Variants in NTRK3 observed in about 807,000 individuals in gnomAD.
NTRK3 encodes neurotrophic receptor tyrosine kinase 3.
A neutral mutation model predicts 91.7 loss-of-function variants in NTRK3; 24 were observed. The observed-to-expected ratio is 0.26, with a 90% CI of 0.19 to 0.37. NTRK3 has a LOEUF of 0.37. Among genes scored for constraint, NTRK3 ranks in the 10% least tolerant of loss-of-function variants. The pLI, the probability that NTRK3 is intolerant of heterozygous loss-of-function variation, is 1.00. For missense variants in NTRK3, 880 were observed against 1,068.9 expected, an observed-to-expected ratio of 0.82 and a Z score of 2.46; for synonymous variants, 483 against 404.0, an observed-to-expected ratio of 1.20 and a Z score of -2.34.
intron 13 of NTRK3, among the ~76,000 whole-genome samples, chr15:88,125,899 A>G (rs1356259342): frequency 6.6e-6 from 1 of 152,206 alleles, no homozygotes; most frequent in Non-Finnish European, 1.5e-5. Context: ...AAACAAGAGG[A>G]AAACCGTGTC....
chr15:87,931,591 T>G (rs2068801841), intron 16 of NTRK3, among the ~76,000 whole-genome samples: 1 of 152,224 alleles, frequency 6.6e-6, no homozygotes. Flanking sequence ...ATCCAAGATA[T>G]GAACCCAAAT....
rs1034726019 is a variant in NTRK3, at chr15:88,095,772, T to C, written c.1396+30499A>G. Reference sequence around the variant, plus strand: ...TAAAGGTGAAGCTTGGATACTCCAATTGAAATGATTATACAGCCACAAGAA... The same window carrying C: ...TAAAGGTGAAGCTTGGATACTCCAACTGAAATGATTATACAGCCACAAGAA... On this transcript the variant is annotated intron_variant, in intron 13 of 18. Transcript: ENST00000394480. 3.9e-5 allele frequency among the ~76,000 whole-genome samples: 6 copies of C among 152,128 alleles called. No individual in the cohort carries two copies. The East Asian group carries it at 5.8e-4, about 15-fold the overall frequency.
chr15:88,090,512 A>G (rs2048922155), intron 13 of NTRK3, among the ~76,000 whole-genome samples: 1 of 152,090 alleles, frequency 6.6e-6, no homozygotes, highest in African/African-American at 2.4e-5. Context: ...GAATCTCCCT[A>G]TGGGATAATC....
chr15:88,201,803 G>A (rs2048326689), intron 3 of NTRK3, among the ~76,000 whole-genome samples: 1 of 152,146 alleles, frequency 6.6e-6, no homozygotes, highest in African/African-American at 2.4e-5. Flanking sequence ...CTGCCTGTTT[G>A]CCAAGGAGCC....
chr15:88,220,264 G>A (rs1323467067), intron 3 of NTRK3, among the ~76,000 whole-genome samples: 1 of 152,172 alleles, frequency 6.6e-6, no homozygotes, highest in Non-Finnish European at 1.5e-5. Context: ...TGGGGTTGTG[G>A]AGTCCCATGG....
At chr15:87,889,606 T>C (rs745638965) in intron 17 of NTRK3, among the ~76,000 whole-genome samples, 3 of 152,112 alleles carry the variant, frequency 2.0e-5, no homozygotes, top group Non-Finnish European at 4.4e-5. Context: ...GCTTTCATAA[T>C]GCATGGGCTG....
intron 5 of NTRK3, among the ~76,000 whole-genome samples, chr15:88,163,821 C>T (rs2044685923): frequency 6.6e-6 from 1 of 152,170 alleles, no homozygotes; most frequent in Non-Finnish European, 1.5e-5. Context: ...GGAATTTCAT[C>T]AGGTCAGTTT....
chr15:88,001,592 A>G (rs1842870593), intron 14 of NTRK3, among the ~76,000 whole-genome samples: 1 of 152,170 alleles, frequency 6.6e-6, no homozygotes, highest in Admixed American at 6.5e-5. Context: ...TGTTTAAAAG[A>G]CTATTATATC....
intron 5 of NTRK3, among the ~76,000 whole-genome samples, chr15:88,174,710 C>A (rs2045835411): frequency 6.6e-6 from 1 of 152,232 alleles, no homozygotes; most frequent in Admixed American, 6.5e-5. Flanking sequence ...AGCAGGCTGT[C>A]TGCCAACCCA....
At chr15:88,022,390 C>T (rs2077664929) in intron 14 of NTRK3, among the ~76,000 whole-genome samples, 1 of 152,140 alleles carries the variant, frequency 6.6e-6, no homozygotes. Flanking sequence ...CTATCTGACC[C>T]CTATGTATAT....
chr15:88,135,925 T>A (rs372972530), exon 9 of NTRK3: 1 of 1,614,130 alleles, frequency 6.2e-7, no homozygotes, highest in African/African-American at 1.3e-5. Context: ...AACACTGGCA[T>A]TGCTCATGCC....
intron 3 of NTRK3, among the ~76,000 whole-genome samples, chr15:88,222,635 G>C (rs2050333454): frequency 6.6e-6 from 1 of 152,136 alleles, no homozygotes; most frequent in African/African-American, 2.4e-5. Context: ...TCAAAGACTT[G>C]CCCAAGAAGT....
At chr15:87,864,864 C>T in exon 19 of NTRK3, 2 of 227,876 alleles carry the variant, frequency 8.8e-6, no homozygotes, top group Non-Finnish European at 8.7e-6. Context: ...TATTATTTGT[C>T]TGGCCCTGTA....
chr15:87,891,253 G>T (rs928997973), intron 17 of NTRK3, among the ~76,000 whole-genome samples: 1 of 152,150 alleles, frequency 6.6e-6, no homozygotes, highest in African/African-American at 2.4e-5. Context: ...AGAAAACATA[G>T]CTATGTTTTA....
At chr15:88,220,438 T>C (rs1567670287) in intron 3 of NTRK3, among the ~76,000 whole-genome samples, 1 of 151,996 alleles carries the variant, frequency 6.6e-6, no homozygotes, top group Non-Finnish European at 1.5e-5. Flanking sequence ...GGCTTGCAGG[T>C]ACAGATGGGA....
chr15:88,104,338 A>G (rs532439126), intron 13 of NTRK3, among the ~76,000 whole-genome samples: 1 of 152,326 alleles, frequency 6.6e-6, no homozygotes, highest in East Asian at 1.9e-4. Flanking sequence ...TTTGAAATCC[A>G]TTCTACTGTC....
intron 17 of NTRK3, among the ~76,000 whole-genome samples, chr15:87,891,951 A>C (rs1225452089): frequency 6.6e-6 from 1 of 152,178 alleles, no homozygotes; most frequent in African/African-American, 2.4e-5. Flanking sequence ...CATGAAGTCT[A>C]TCCAGCGTGT....
chr15:88,204,269 C>T (rs1481500161), intron 3 of NTRK3, among the ~76,000 whole-genome samples: 4 of 152,158 alleles, frequency 2.6e-5, no homozygotes, highest in African/African-American at 4.8e-5. Flanking sequence ...CACCTGCTCT[C>T]GCCAGTCTTG....
In NTRK3 at chr15:87,941,643, C is replaced by G. The variant is rs571598482; in HGVS notation, c.1586-890G>C. 2.0e-5 allele frequency among the ~76,000 whole-genome samples: 3 copies of G among 152,278 alleles called. No individual in the cohort carries two copies. In the East Asian group the frequency reaches 5.8e-4, roughly 29 times the overall value. The stretch of plus-strand genomic sequence containing the variant: ...ACCCTTCTCTGAAAGAGAGAAAGAC[C>G]AATGAGATCACAAAAGGAAAGTTCA... On this transcript the variant is annotated intron_variant, in intron 14 of 18. Transcript: ENST00000394480.
Sources: gnomAD v4.1 joint callset for allele counts (sites outside exome capture counted in the v4.1 genomes callset) on GRCh38, gnomAD v4.1.1 for gene constraint, MANE v1.5 for transcripts, NCBI Gene and HGNC (gene_info 2026-07-23, HGNC 2026-07-21) for gene names.